The following GABRB1 variants were observed in gnomAD, a reference collection of about 807,000 sequenced individuals.
The protein encoded by GABRB1 is gamma-aminobutyric acid type A receptor subunit beta1, also known as gamma-aminobutyric acid receptor subunit beta-1.
GABRB1 carries 17 observed loss-of-function variants against 51.6 expected under a neutral mutation model. The ratio of observed to expected loss-of-function variants is 0.33; its 90% CI spans 0.23 to 0.49. The LOEUF is 0.49. Among genes scored for constraint, GABRB1 ranks in the 20% least tolerant of loss-of-function variants. GABRB1 has a pLI of 0.99. For synonymous variants in GABRB1, 247 were observed against 218.9 expected (o/e 1.13, Z -1.14); for missense variants, 410 against 600.6 (o/e 0.68, Z 3.32).
At chr4:47,148,416 G>T (rs1014365389) in intron 3 of GABRB1, among the ~76,000 whole-genome samples, 9 of 151,976 alleles carry the variant, frequency 5.9e-5, no homozygotes, top group African/African-American at 1.9e-4. Context: ...TCCTAGAGTC[G>T]TCATGGACTC....
In GABRB1 at chr4:47,358,934, A is replaced by G. The variant is rs149578926; in HGVS notation, c.544+38725A>G. Among the ~76,000 whole-genome samples, 839 of 152,196 alleles carry G rather than the reference A, an allele frequency of 5.5e-3. 3 individuals are homozygous for G. Among genetic ancestry groups the G allele is most frequent in the Non-Finnish European group, 8.2e-3 (560 of 67,994 alleles). ...CAGCCCTGTTCATAACCACCATTAAAATGGTAACCATAACACTATTGGAAG... is the reference window on the plus strand; with the variant it reads ...CAGCCCTGTTCATAACCACCATTAAGATGGTAACCATAACACTATTGGAAG... On this transcript the variant is annotated intron_variant, in intron 5 of 8. Coordinates refer to ENST00000295454, the MANE Select transcript of GABRB1 (RefSeq NM_000812.4).
In GABRB1 at chr4:47,001,336, G is replaced by A. The variant is rs552529452; in HGVS notation, c.-20+7410G>A. On this transcript the variant is annotated intron_variant, in intron 1 of 3. Coordinates refer to the GABRB1 transcript ENST00000513567. ...TTTTTGTATTTTTAGTAGAGATGTG[G>A]TTTCACCGTGTTAGCCAGGATGGTC... Among the ~76,000 whole-genome samples, 9 of 152,042 alleles carry A rather than the reference G, an allele frequency of 5.9e-5. No homozygotes were observed. The East Asian group carries it at 1.7e-3, about 30-fold the overall frequency.
intron 4 of GABRB1, among the ~76,000 whole-genome samples, chr4:47,246,101 G>C (rs1017455668): frequency 6.8e-6 from 1 of 147,880 alleles, no homozygotes; most frequent in Non-Finnish European, 1.5e-5. Flanking sequence ...ACAGTCCATT[G>C]TATCATTCTT....
At chr4:47,213,718 A>G (rs891457555) in intron 4 of GABRB1, among the ~76,000 whole-genome samples, 5 of 151,750 alleles carry the variant, frequency 3.3e-5, no homozygotes, top group African/African-American at 9.7e-5. Context: ...GTTTTCTTAT[A>G]TTAGCTTTGA....
chr4:47,056,706 T>G (rs1461191866), intron 3 of GABRB1, among the ~76,000 whole-genome samples: 2 of 152,202 alleles, frequency 1.3e-5, no homozygotes, highest in Non-Finnish European at 2.9e-5. Flanking sequence ...GGATGTGAGC[T>G]GACATGATGA....
intron 3 of GABRB1, among the ~76,000 whole-genome samples, chr4:47,101,403 C>T (rs1235532896): frequency 6.6e-6 from 1 of 151,894 alleles, no homozygotes; most frequent in Non-Finnish European, 1.5e-5. Flanking sequence ...AAAAAAGGAC[C>T]ATTAGAGAGA....
intron 5 of GABRB1, among the ~76,000 whole-genome samples, chr4:47,337,156 T>A (rs1355359881): frequency 1.3e-5 from 2 of 151,608 alleles, no homozygotes; most frequent in African/African-American, 4.8e-5. Flanking sequence ...AGAAACAGAG[T>A]CACTTGAACC....
chr4:47,232,338 T>A (rs1236811789), intron 4 of GABRB1, among the ~76,000 whole-genome samples: 1 of 152,234 alleles, frequency 6.6e-6, no homozygotes, highest in Admixed American at 6.5e-5. Context: ...TACATATTTA[T>A]GTATTTTTTA....
At chr4:47,041,255 G>A (rs1302353357) in intron 3 of GABRB1, among the ~76,000 whole-genome samples, 4 of 152,090 alleles carry the variant, frequency 2.6e-5, no homozygotes, top group Non-Finnish European at 5.9e-5. Context: ...ACATTTGAAT[G>A]GACTGTTGGG....
chr4:47,011,414 A>ACTT (rs755999486), intron 1 of GABRB1, among the ~76,000 whole-genome samples: 20 of 152,098 alleles, frequency 1.3e-4, no homozygotes, highest in Non-Finnish European at 2.8e-4. Context: ...TGAACTGAGG[A>ACTT]CTTCTACCTT....
At chr4:47,360,164 C>T (rs1235315023) in intron 5 of GABRB1, among the ~76,000 whole-genome samples, 4 of 151,242 alleles carry the variant, frequency 2.6e-5, no homozygotes, top group African/African-American at 4.9e-5. Context: ...CTCGAGAATC[C>T]GTTTATTATT....
At chr4:47,162,453 G>A (rs1718002704) in intron 4 of GABRB1, among the ~76,000 whole-genome samples, 1 of 151,790 alleles carries the variant, frequency 6.6e-6, no homozygotes, top group South Asian at 2.1e-4. Flanking sequence ...AAAAAAAAGA[G>A]CAACTAGATT....
chr4:47,142,736 G>A (rs1024757388), intron 3 of GABRB1, among the ~76,000 whole-genome samples: 4 of 151,750 alleles, frequency 2.6e-5, no homozygotes, highest in Admixed American at 2.0e-4. Flanking sequence ...GAAGGAAATT[G>A]GTAATTGATA....
At chr4:47,283,463 G>A (rs1723376848) in intron 4 of GABRB1, among the ~76,000 whole-genome samples, 1 of 129,194 alleles carries the variant, frequency 7.7e-6, no homozygotes, top group Admixed American at 9.3e-5. Context: ...TCGGCTCACT[G>A]CAAGCTCCGC....
At chr4:47,256,481 C>T (rs575957936) in intron 4 of GABRB1, among the ~76,000 whole-genome samples, 1 of 152,306 alleles carries the variant, frequency 6.6e-6, no homozygotes, top group Non-Finnish European at 1.5e-5. Context: ...GCACTACACG[C>T]TCTGCATCTA....
At chr4:47,369,491 C>T (rs1312806773) in intron 5 of GABRB1, among the ~76,000 whole-genome samples, 2 of 151,744 alleles carry the variant, frequency 1.3e-5, no homozygotes, top group East Asian at 1.9e-4. Flanking sequence ...TAATTTCCTC[C>T]GTCAAATTTA....
chr4:47,249,108 C>A (rs898693021), intron 4 of GABRB1, among the ~76,000 whole-genome samples: 2 of 151,734 alleles, frequency 1.3e-5, no homozygotes, highest in Non-Finnish European at 2.9e-5. Flanking sequence ...TTAGAATGTC[C>A]ATTTGTACTC....
intron 4 of GABRB1, among the ~76,000 whole-genome samples, chr4:47,280,373 T>A (rs913221679): frequency 6.6e-6 from 1 of 151,784 alleles, no homozygotes; most frequent in East Asian, 1.9e-4. Context: ...TAGTTATTTG[T>A]AATATTTTTG....
chr4:47,352,163 A>T (rs1726371671), intron 5 of GABRB1, among the ~76,000 whole-genome samples: 1 of 152,216 alleles, frequency 6.6e-6, no homozygotes, highest in Non-Finnish European at 1.5e-5. Flanking sequence ...ATGGCCAGTG[A>T]TGACGAGCAT....
Sources: gnomAD v4.1 joint callset for allele counts (sites outside exome capture counted in the v4.1 genomes callset) on GRCh38, gnomAD v4.1.1 for gene constraint, MANE v1.5 for transcripts, NCBI Gene and HGNC (gene_info 2026-07-23, HGNC 2026-07-21) for gene names.